ZMAT4: variants seen among roughly 807,000 people sequenced by gnomAD.
ZMAT4 encodes the protein zinc finger matrin-type protein 4.
A neutral mutation model predicts 28.7 loss-of-function variants in ZMAT4; 17 were observed. The observed-to-expected ratio is 0.59, with a 90% confidence interval of 0.41 to 0.89. The LOEUF is 0.89. Among genes scored for constraint, ZMAT4 ranks in the 40% least tolerant of loss-of-function variants. The pLI is 0.00. For synonymous variants in ZMAT4, 117 were observed against 109.2 expected, an observed-to-expected ratio of 1.07 and a Z score of -0.44; for missense variants, 240 against 283.8, an observed-to-expected ratio of 0.85 and a Z score of 1.11.
chr8:40,800,616 A>C (rs542646088), intron 2 of ZMAT4, among the ~76,000 whole-genome samples: 1 of 152,270 alleles, frequency 6.6e-6, no homozygotes, highest in South Asian at 2.1e-4. Context: ...TAAAAATCCC[A>C]AAATACTTGG....
intron 5 of ZMAT4, among the ~76,000 whole-genome samples, chr8:40,603,595 A>T (rs910393481): frequency 5.9e-5 from 9 of 151,998 alleles, no homozygotes; most frequent in African/African-American, 1.9e-4. Context: ...TGTTGTCTAT[A>T]ATTTCTTTCA....
intron 5 of ZMAT4, among the ~76,000 whole-genome samples, chr8:40,582,391 T>C (rs1361947628): frequency 6.6e-6 from 1 of 152,120 alleles, no homozygotes; most frequent in East Asian, 1.9e-4. Flanking sequence ...TCCTAGCTAC[T>C]CAGGAGGCTG....
chr8:40,653,945 C>T (rs1807802425), intron 5 of ZMAT4, among the ~76,000 whole-genome samples: 1 of 152,096 alleles, frequency 6.6e-6, no homozygotes, highest in South Asian at 2.1e-4. Context: ...CAAAGATGGC[C>T]CCTGTATGTT....
At chr8:40,820,138 A>ATG (rs76182005) in intron 2 of ZMAT4, among the ~76,000 whole-genome samples, 109,544 of 151,118 alleles carry the variant, frequency 0.72, 39,964 homozygotes, top group East Asian at 0.84. Flanking sequence ...TGGACTTTCC[A>ATG]TGTGTGTGTA....
rs552580893 is a variant in ZMAT4, at chr8:40,707,581, A to G, written c.193-10180T>C. Among the ~76,000 whole-genome samples the G allele has an allele frequency of 1.8e-4, 28 of 152,242 alleles. No individual in the cohort carries two copies. In the East Asian group the frequency reaches 3.7e-3, roughly 20 times the overall value. ...TACTATTCAAACATATTTGTATGTAAGTCAAATATCTTTGTGTGTGAGTAT... is the reference window on the plus strand; with the variant it reads ...TACTATTCAAACATATTTGTATGTAGGTCAAATATCTTTGTGTGTGAGTAT... On this transcript the variant is annotated intron_variant, in intron 3 of 6. Coordinates refer to ENST00000297737, the MANE Select transcript of ZMAT4 (RefSeq NM_024645.3).
chr8:40,719,145 T>C (rs1184453615), intron 3 of ZMAT4, among the ~76,000 whole-genome samples: 1 of 152,016 alleles, frequency 6.6e-6, no homozygotes, highest in Non-Finnish European at 1.5e-5. Flanking sequence ...GACATATGAG[T>C]TGTTAAGACT....
intron 2 of ZMAT4, among the ~76,000 whole-genome samples, chr8:40,770,551 T>C (rs1252217809): frequency 1.4e-5 from 2 of 145,388 alleles, no homozygotes; most frequent in Admixed American, 6.8e-5. Context: ...TCTCTCTCAT[T>C]TTTTTTTTTT....
At chr8:40,869,715 T>C (rs1460127598) in intron 1 of ZMAT4, among the ~76,000 whole-genome samples, 1 of 152,178 alleles carries the variant, frequency 6.6e-6, no homozygotes, top group Non-Finnish European at 1.5e-5. Flanking sequence ...CCTCGAACAA[T>C]ACCCAGTGTT....
chr8:40,895,834 A>T (rs1003105485), intron 1 of ZMAT4, among the ~76,000 whole-genome samples: 1 of 152,212 alleles, frequency 6.6e-6, no homozygotes, highest in Non-Finnish European at 1.5e-5. Context: ...CTCATGCAAG[A>T]TCCCCCACGT....
chr8:40,750,913 C>T (rs1048185588), intron 3 of ZMAT4, among the ~76,000 whole-genome samples: 1 of 152,192 alleles, frequency 6.6e-6, no homozygotes, highest in African/African-American at 2.4e-5. Flanking sequence ...CACCAGAATT[C>T]TTTTATTCAA....
At chr8:40,747,480 C>T (rs12676292) in intron 3 of ZMAT4, among the ~76,000 whole-genome samples, 18,191 of 151,860 alleles carry the variant, frequency 0.12, 1,552 homozygotes, top group East Asian at 0.38. Context: ...ACTTTTCCCT[C>T]GATAGCACTC....
chr8:40,820,139 T>TGG (rs34586850), intron 2 of ZMAT4, among the ~76,000 whole-genome samples: 1 of 12,210 alleles, frequency 8.2e-5, no homozygotes, highest in East Asian at 7.5e-3. Flanking sequence ...GGACTTTCCA[T>TGG]GTGTGTGTAT....
At position 40,639,155 on chromosome 8, in the gene ZMAT4, C is replaced by T. The variant is rs191057189; in HGVS notation, c.577+35549G>A. 3.0e-3 allele frequency among the ~76,000 whole-genome samples: 453 copies of T among 152,300 alleles called. 4 individuals carry two copies. The highest frequency in any genetic ancestry group is 0.01 in the African/African-American group (418 of 41,556). Reference sequence around the variant, plus strand: ...GACAGGAGCCTGGAGAAACATGGACCGGCCACTCTTCAGAAGGAATTCTTG... The same window carrying T: ...GACAGGAGCCTGGAGAAACATGGACTGGCCACTCTTCAGAAGGAATTCTTG... On this transcript the variant is annotated intron_variant, in intron 5 of 6. Coordinates refer to ENST00000297737, the MANE Select transcript of ZMAT4 (RefSeq NM_024645.3).
At chr8:40,652,173 T>A (rs78599933) in intron 5 of ZMAT4, among the ~76,000 whole-genome samples, 36,638 of 91,816 alleles carry the variant, frequency 0.4, 8,068 homozygotes, top group East Asian at 0.62. Context: ...AAATTTTTGC[T>A]ACCTACTCAT....
intron 5 of ZMAT4, among the ~76,000 whole-genome samples, chr8:40,629,401 T>G (rs1316181030): frequency 6.6e-6 from 1 of 151,930 alleles, no homozygotes; most frequent in Non-Finnish European, 1.5e-5. Flanking sequence ...ATGGAGTTTT[T>G]TTTTTAATTT....
At chr8:40,652,856 T>G (rs1299845534) in intron 5 of ZMAT4, among the ~76,000 whole-genome samples, 1 of 75,156 alleles carries the variant, frequency 1.3e-5, no homozygotes, top group African/African-American at 3.8e-5. Context: ...CACCACATAT[T>G]CTCACTCATA....
At chr8:40,626,629 G>C (rs761421553) in intron 5 of ZMAT4, among the ~76,000 whole-genome samples, 1 of 152,146 alleles carries the variant, frequency 6.6e-6, no homozygotes, top group Non-Finnish European at 1.5e-5. Context: ...GAATCTTTTT[G>C]TGATATCCCC....
chr8:40,724,379 T>C (rs1483515408), intron 3 of ZMAT4, among the ~76,000 whole-genome samples: 1 of 152,246 alleles, frequency 6.6e-6, no homozygotes, highest in African/African-American at 2.4e-5. Context: ...GCTTATTGGC[T>C]TTCGGTTCAG....
At chr8:40,626,611 T>C (rs1806391081) in intron 5 of ZMAT4, among the ~76,000 whole-genome samples, 1 of 152,138 alleles carries the variant, frequency 6.6e-6, no homozygotes, top group Non-Finnish European at 1.5e-5. Flanking sequence ...GCAATGTTGG[T>C]TAGTTAGGAA....
Sources: allele counts gnomAD v4.1 joint callset (sites outside exome capture counted in the v4.1 genomes callset), GRCh38; gene constraint gnomAD v4.1.1; transcripts MANE v1.5; gene names NCBI Gene and HGNC (gene_info 2026-07-23, HGNC 2026-07-21).